The following HTR4 variants were observed in gnomAD, a reference collection of about 807,000 sequenced individuals.
HTR4 encodes 5-hydroxytryptamine (serotonin) receptor 4, G protein-coupled.
In HTR4, 16 loss-of-function variants were observed where a neutral mutation model predicts 36.8. The ratio of observed to expected loss-of-function variants is 0.43; its 90% CI spans 0.29 to 0.66. The LOEUF (loss-of-function observed/expected upper bound fraction) is 0.66. Ranked by LOEUF, HTR4 falls within the 30% of genes least tolerant of loss-of-function variation. The probability of loss-of-function intolerance (pLI) is 0.13; values close to 1 mark genes in which losing one functional copy is unlikely to be tolerated. For missense variants in HTR4, 438 were observed against 490.9 expected (o/e 0.89, Z 1.02); for synonymous variants, 189 against 185.1 (o/e 1.02, Z -0.17).
intron 6 of HTR4, among the ~76,000 whole-genome samples, chr5:148,497,048 A>G (rs1756717393): frequency 6.6e-6 from 1 of 152,166 alleles, no homozygotes; most frequent in Non-Finnish European, 1.5e-5. Context: ...TCTACTATCC[A>G]CAATGAACCT....
At chr5:148,542,090 T>A (rs1284432547) in intron 4 of HTR4, among the ~76,000 whole-genome samples, 3 of 152,170 alleles carry the variant, frequency 2.0e-5, no homozygotes, top group Non-Finnish European at 1.5e-5. Flanking sequence ...ACCACTGTAT[T>A]TACAATGTCC....
At chr5:148,539,309 G>C (rs576725495) in intron 4 of HTR4, among the ~76,000 whole-genome samples, 1 of 152,186 alleles carries the variant, frequency 6.6e-6, no homozygotes, top group South Asian at 2.1e-4. Context: ...CTGGACATAG[G>C]AACAGGCAAA....
Position 148,556,333 on chromosome 5 carries a change from A to AT in HTR4, c.27-6072dup, listed in dbSNP as rs1228934433. On this transcript the variant is annotated intron_variant, in intron 2 of 6. Coordinates refer to ENST00000377888, the MANE Select transcript of HTR4 (RefSeq NM_000870.7). ...GCCACCACGCCCAGACTTTATTGTTATTTTTTGTGGGCTTTTGCACTGGTT... is the reference window on the plus strand; with the variant it reads ...GCCACCACGCCCAGACTTTATTGTTATTTTTTTGTGGGCTTTTGCACTGGTT... Among the ~76,000 whole-genome samples the AT allele has an allele frequency of 1.1e-4, 16 of 152,208 alleles. No individual in the cohort carries two copies. The East Asian group carries it at 3.1e-3, about 29-fold the overall frequency.
intron 4 of HTR4, among the ~76,000 whole-genome samples, chr5:148,542,750 C>A (rs1759183806): frequency 6.6e-6 from 1 of 152,054 alleles, no homozygotes; most frequent in African/African-American, 2.4e-5. Context: ...GCTTATGAGG[C>A]CAGCAGAAGG....
rs1158298120 is a variant in HTR4 at position 148,562,958 on chromosome 5, C to T, written c.27-12696G>A. ...TCCTCTCAACTGGCATCCCTGCTTC[C>T]ATCATTTCTCACATACAATCCACTC... is the stretch of plus-strand genomic sequence containing the variant. On this transcript the variant is annotated intron_variant, in intron 2 of 6. Coordinates refer to ENST00000377888, the MANE Select transcript of HTR4 (RefSeq NM_000870.7). Among the ~76,000 whole-genome samples the T allele has an allele frequency of 2.6e-5, 4 of 152,294 alleles. No homozygotes were observed. The South Asian group carries it at 8.3e-4, about 32-fold the overall frequency.
At chr5:148,457,115 T>C (rs745799944) in intron 5 of HTR4, among the ~76,000 whole-genome samples, 1 of 151,884 alleles carries the variant, frequency 6.6e-6, no homozygotes, top group Non-Finnish European at 1.5e-5. Context: ...TATCTGTAAA[T>C]GGCTTTACAA....
chr5:148,573,114 A>G (rs1760744103), intron 2 of HTR4, among the ~76,000 whole-genome samples: 1 of 152,038 alleles, frequency 6.6e-6, no homozygotes, highest in African/African-American at 2.4e-5. Flanking sequence ...AGTTCTAAAG[A>G]GTGTGGCTGG....
chr5:148,464,143 G>C (rs1007204390), intron 5 of HTR4, among the ~76,000 whole-genome samples: 1 of 150,866 alleles, frequency 6.6e-6, no homozygotes, highest in African/African-American at 2.4e-5. Flanking sequence ...GACAATTCTA[G>C]AAGATAGCTT....
At chr5:148,515,288 C>T (rs1315690269) in intron 5 of HTR4, among the ~76,000 whole-genome samples, 2 of 152,118 alleles carry the variant, frequency 1.3e-5, no homozygotes, top group African/African-American at 2.4e-5. Flanking sequence ...GCCCATGCCC[C>T]ACGCCTGCCT....
intron 2 of HTR4, among the ~76,000 whole-genome samples, chr5:148,603,901 C>T (rs1170154799): frequency 3.9e-5 from 6 of 152,000 alleles, no homozygotes; most frequent in Non-Finnish European, 5.9e-5. Context: ...TCATCACGGA[C>T]TTAAGATACA....
intron 2 of HTR4, among the ~76,000 whole-genome samples, chr5:148,582,806 G>T (rs1228572184): frequency 4.6e-5 from 7 of 152,172 alleles, no homozygotes; most frequent in African/African-American, 1.4e-4. Flanking sequence ...CTTTGCTGAA[G>T]TTGCTTATCA....
chr5:148,480,075 T>C (rs1323661197), downstream of HTR4, among the ~76,000 whole-genome samples: 1 of 152,210 alleles, frequency 6.6e-6, no homozygotes, highest in Admixed American at 6.5e-5. Flanking sequence ...GATTTGTATA[T>C]ATATAATTTA....
chr5:148,505,239 A>G (rs1488579769), intron 6 of HTR4, among the ~76,000 whole-genome samples: 1 of 152,226 alleles, frequency 6.6e-6, no homozygotes, highest in African/African-American at 2.4e-5. Context: ...AATAAACGTA[A>G]TCCAGCATAT....
chr5:148,576,729 C>A (rs573727175), intron 2 of HTR4, among the ~76,000 whole-genome samples: 54 of 152,104 alleles, frequency 3.6e-4, no homozygotes, highest in Non-Finnish European at 1.2e-4. Flanking sequence ...AAAAGACTCC[C>A]TATTCAATAA....
chr5:148,508,768 G>A (rs567042562), intron 6 of HTR4, among the ~76,000 whole-genome samples: 5 of 151,676 alleles, frequency 3.3e-5, no homozygotes, highest in African/African-American at 4.8e-5. Flanking sequence ...GGCCATATTA[G>A]GTTCTCAGGC....
chr5:148,533,650 C>T (rs1001693367), intron 4 of HTR4, among the ~76,000 whole-genome samples: 4 of 152,300 alleles, frequency 2.6e-5, no homozygotes, highest in East Asian at 1.9e-4. Flanking sequence ...TAGTAGCAGT[C>T]AACTTTACGT....
intron 6 of HTR4, among the ~76,000 whole-genome samples, chr5:148,485,000 G>A (rs1438286239): frequency 2.6e-5 from 4 of 151,846 alleles, no homozygotes; most frequent in Admixed American, 2.0e-4. Flanking sequence ...GAAGGAAGGA[G>A]AGAAGGAAGA....
intron 2 of HTR4, among the ~76,000 whole-genome samples, chr5:148,586,600 T>C (rs1761358705): frequency 6.6e-6 from 1 of 152,100 alleles, no homozygotes; most frequent in Non-Finnish European, 1.5e-5. Flanking sequence ...CAGGATCGCA[T>C]CACCTCCCAT....
chr5:148,643,845 C>A (rs1753797773), intron 1 of HTR4, among the ~76,000 whole-genome samples: 1 of 152,130 alleles, frequency 6.6e-6, no homozygotes, highest in Non-Finnish European at 1.5e-5. Flanking sequence ...AAGGATCCAC[C>A]TCAGTAGGAG....
Sources: allele counts gnomAD v4.1 joint callset (sites outside exome capture counted in the v4.1 genomes callset), GRCh38; gene constraint gnomAD v4.1.1; transcripts MANE v1.5; gene names NCBI Gene and HGNC (gene_info 2026-07-23, HGNC 2026-07-21).